The following AGBL1 variants were observed in gnomAD, a reference collection of about 807,000 sequenced individuals.
AGBL1 encodes the protein AGBL carboxypeptidase 1.
In AGBL1, 130 loss-of-function variants were observed where a neutral mutation model predicts 118.9. The observed-to-expected ratio is 1.09, with a 90% CI of 0.95 to 1.26. AGBL1 has a LOEUF of 1.26. Among genes scored for constraint, AGBL1 ranks in the 50% most tolerant of loss-of-function variants. AGBL1 has a pLI of 0.00. For synonymous variants in AGBL1, 555 were observed against 478.9 expected (o/e 1.16, Z -2.08); for missense variants, 1,584 against 1,298.1 (o/e 1.22, Z -3.38).
intron 22 of AGBL1, among the ~76,000 whole-genome samples, chr15:86,739,953 G>C (rs28703186): frequency 3.9e-5 from 6 of 152,148 alleles, no homozygotes; most frequent in African/African-American, 1.4e-4. Flanking sequence ...TGGCTAGTTC[G>C]ATAACACTCT....
chr15:86,628,378 TTCTC>T (rs1291489264), intron 21 of AGBL1, among the ~76,000 whole-genome samples: 1 of 152,204 alleles, frequency 6.6e-6, no homozygotes, highest in Non-Finnish European at 1.5e-5. Context: ...CTTGAGGTAT[TTCTC>T]TCTGCCTATT....
intron 22 of AGBL1, among the ~76,000 whole-genome samples, chr15:86,787,627 C>A (rs2078432322): frequency 6.6e-6 from 1 of 152,072 alleles, no homozygotes; most frequent in East Asian, 1.9e-4. Context: ...CCTTTGTATA[C>A]ATATGTATGT....
intron 18 of AGBL1, among the ~76,000 whole-genome samples, chr15:86,436,800 T>C (rs188282989): frequency 3.3e-5 from 5 of 152,362 alleles, no homozygotes; most frequent in Non-Finnish European, 5.9e-5. Context: ...AGACTAAGGA[T>C]GTATAAATAC....
chr15:86,108,293 A>G (rs566720529), intron 1 of AGBL1, among the ~76,000 whole-genome samples: 23 of 152,354 alleles, frequency 1.5e-4, no homozygotes, highest in Non-Finnish European at 2.8e-4. Flanking sequence ...TCACTGAGAA[A>G]GGTGAGATGA....
intron 1 of AGBL1, among the ~76,000 whole-genome samples, chr15:86,116,224 G>A (rs546557859): frequency 1.3e-5 from 2 of 152,208 alleles, no homozygotes; most frequent in Admixed American, 6.5e-5. Context: ...CCAACCAATC[G>A]AGAACAAAAA....
chr15:86,564,499 T>C (rs373962865), intron 21 of AGBL1, among the ~76,000 whole-genome samples: 4 of 152,214 alleles, frequency 2.6e-5, no homozygotes, highest in African/African-American at 4.8e-5. Context: ...CCGAGAGATC[T>C]GCTGTTAGTC....
At chr15:86,363,367 G>C (rs1053529147) in intron 17 of AGBL1, among the ~76,000 whole-genome samples, 1 of 152,012 alleles carries the variant, frequency 6.6e-6, no homozygotes, top group Non-Finnish European at 1.5e-5. Context: ...CATATTCTTT[G>C]TAACTTTCTG....
chr15:86,466,645 G>A (rs1050347273), intron 18 of AGBL1, among the ~76,000 whole-genome samples: 1 of 152,218 alleles, frequency 6.6e-6, no homozygotes, highest in African/African-American at 2.4e-5. Flanking sequence ...TACCTTTGGT[G>A]TTTGCTGTTG....
chr15:86,836,928 C>T (rs775835789), intron 22 of AGBL1, among the ~76,000 whole-genome samples: 1 of 152,034 alleles, frequency 6.6e-6, no homozygotes, highest in Non-Finnish European at 1.5e-5. Flanking sequence ...AACTATCTTG[C>T]TTATATATTT....
At chr15:86,472,405 T>A (rs2082490962) in intron 18 of AGBL1, among the ~76,000 whole-genome samples, 1 of 152,192 alleles carries the variant, frequency 6.6e-6, no homozygotes, top group African/African-American at 2.4e-5. Flanking sequence ...GACAATTCAT[T>A]AATTGGTTCC....
intron 22 of AGBL1, among the ~76,000 whole-genome samples, chr15:86,824,463 A>T (rs1357834485): frequency 6.6e-6 from 1 of 152,150 alleles, no homozygotes; most frequent in East Asian, 1.9e-4. Flanking sequence ...GAGACATACT[A>T]TGTTCATGGA....
At chr15:86,880,288 G>C (rs562769308) in intron 22 of AGBL1, among the ~76,000 whole-genome samples, 1 of 152,256 alleles carries the variant, frequency 6.6e-6, no homozygotes, top group South Asian at 2.1e-4. Context: ...AGGACTCATA[G>C]CCTCAGAGTT....
At chr15:86,201,091 A>G (rs548970124) in intron 5 of AGBL1, among the ~76,000 whole-genome samples, 1 of 152,292 alleles carries the variant, frequency 6.6e-6, no homozygotes, top group Admixed American at 6.5e-5. Flanking sequence ...ATAAATATGT[A>G]TAATTATATA....
intron 1 of AGBL1, among the ~76,000 whole-genome samples, chr15:86,095,448 A>C (rs927880752): frequency 1.3e-5 from 2 of 152,068 alleles, no homozygotes; most frequent in Non-Finnish European, 2.9e-5. Context: ...TTAGCATACA[A>C]AAAGACACTC....
intron 21 of AGBL1, among the ~76,000 whole-genome samples, chr15:86,673,319 G>C (rs573832099): frequency 6.6e-6 from 1 of 152,116 alleles, no homozygotes; most frequent in Non-Finnish European, 1.5e-5. Flanking sequence ...AAAAGAGTTC[G>C]CTGAGCCCAA....
At chr15:86,277,154 T>A (rs1307464921) in intron 15 of AGBL1, among the ~76,000 whole-genome samples, 1 of 151,884 alleles carries the variant, frequency 6.6e-6, no homozygotes, top group Non-Finnish European at 1.5e-5. Flanking sequence ...AAGATTTTTT[T>A]TTTTTTTTTG....
chr15:86,420,953 G>A (rs1471730491), intron 18 of AGBL1, among the ~76,000 whole-genome samples: 1 of 152,160 alleles, frequency 6.6e-6, no homozygotes, highest in Non-Finnish European at 1.5e-5. Flanking sequence ...AGAAATATGG[G>A]ACTATGTGAA....
At chr15:86,835,089 C>T (rs2079153025) in intron 22 of AGBL1, among the ~76,000 whole-genome samples, 1 of 152,116 alleles carries the variant, frequency 6.6e-6, no homozygotes, top group Admixed American at 6.6e-5. Flanking sequence ...TCTTGCTTCC[C>T]TAGTATTACA....
chr15:86,453,790 C>T (rs986162174), intron 18 of AGBL1, among the ~76,000 whole-genome samples: 4 of 151,992 alleles, frequency 2.6e-5, no homozygotes, highest in Non-Finnish European at 4.4e-5. Flanking sequence ...ATAAAAGCAC[C>T]GACAAAACCC....
Sources: gnomAD v4.1 joint callset for allele counts (sites outside exome capture counted in the v4.1 genomes callset) on GRCh38, gnomAD v4.1.1 for gene constraint, MANE v1.5 for transcripts, NCBI Gene and HGNC (gene_info 2026-07-23, HGNC 2026-07-21) for gene names.